MANBA: variants seen among roughly 807,000 people sequenced by gnomAD.
MANBA encodes the protein beta-mannosidase.
In MANBA, 83 loss-of-function variants were observed where a neutral mutation model predicts 111.1. That is an observed-to-expected ratio of 0.75 (90% CI 0.63 to 0.90). MANBA has a LOEUF of 0.90. Ranked by LOEUF, MANBA falls within the 40% of genes least tolerant of loss-of-function variation. The pLI is 0.00. For missense variants in MANBA, 1,036 were observed against 1,069.0 expected (o/e 0.97, Z 0.43); for synonymous variants, 370 against 378.7 (o/e 0.98, Z 0.27).
In MANBA at chr4:102,756,488, G is replaced by A. The variant is rs1724023037; in HGVS notation, c.177+4230C>T. On this transcript the variant is annotated intron_variant, in intron 1 of 16. Coordinates refer to ENST00000647097, the MANE Select transcript of MANBA (RefSeq NM_005908.4). The stretch of plus-strand genomic sequence containing the variant: ...GGACCTGTCATGAGGTTGGGGGCTG[G>A]GGGAGGGATAGCATTAGGAGATATA... Among the ~76,000 whole-genome samples the A allele has an allele frequency of 2.6e-5, 4 of 152,160 alleles. No homozygotes were observed. The South Asian group carries it at 8.3e-4, about 32-fold the overall frequency.
chr4:102,760,794 C>A lies in MANBA; in HGVS notation c.101G>T (p.Gly34Val). The A allele has an allele frequency of 6.4e-7, 1 of 1,556,798 alleles. No individual in the cohort carries two copies. The highest frequency in any genetic ancestry group is 8.7e-7 in the Non-Finnish European group (1 of 1,150,188). ...CCCGGGCAGCTCCAGCGAGCCGTTCCCATTGCAGATGCTCCAGTTGCCACG... is the reference window on the plus strand; with the variant it reads ...CCCGGGCAGCTCCAGCGAGCCGTTCACATTGCAGATGCTCCAGTTGCCACG... ...SLRGNWSICN[G>V]NGSLELPGAV... The change falls in exon 1 of 17, where the codon GGG (glycine) becomes GTG (valine). Residue 34 changes from glycine (G) to valine (V), a missense_variant. By Grantham distance (109) the Gly-to-Val change is moderately radical. Transcript: ENST00000647097.
intron 1 of MANBA, among the ~76,000 whole-genome samples, chr4:102,747,095 AG>A (rs1450731930): frequency 5.3e-5 from 8 of 152,014 alleles, no homozygotes; most frequent in Non-Finnish European, 1.2e-4. Context: ...CTGTTCCTCT[AG>A]AACCACTTCT....
intron 5 of MANBA, among the ~76,000 whole-genome samples, chr4:102,713,012 C>T (rs1054683311): frequency 1.3e-5 from 2 of 152,206 alleles, no homozygotes; most frequent in African/African-American, 4.8e-5. Context: ...GCCACATTTA[C>T]ATGTGCAATT....
chr4:102,659,755 A>C (rs1730841376), intron 11 of MANBA, among the ~76,000 whole-genome samples: 1 of 152,264 alleles, frequency 6.6e-6, no homozygotes, highest in South Asian at 2.1e-4. Context: ...TAAATAAAGC[A>C]GTTCTTTCTG....
chr4:102,720,278 T>C (rs1245538867), intron 4 of MANBA, among the ~76,000 whole-genome samples: 1 of 151,954 alleles, frequency 6.6e-6, no homozygotes, highest in Non-Finnish European at 1.5e-5. Flanking sequence ...CTACTAAAAC[T>C]ACAAAAATTA....
At chr4:102,701,456 C>G (rs949754165) in intron 5 of MANBA, among the ~76,000 whole-genome samples, 20 of 151,560 alleles carry the variant, frequency 1.3e-4, no homozygotes, top group African/African-American at 3.9e-4. Context: ...TCCTAGTCTC[C>G]ATGGTCTTTA....
At chr4:102,683,152 AAAG>A (rs1732059167) in intron 7 of MANBA, among the ~76,000 whole-genome samples, 1 of 152,000 alleles carries the variant, frequency 6.6e-6, no homozygotes, top group South Asian at 2.1e-4. Context: ...TTTAAGAAAC[AAAG>A]AACAAAGTGA....
intron 7 of MANBA, among the ~76,000 whole-genome samples, chr4:102,675,244 C>T (rs1278472398): frequency 1.3e-5 from 2 of 152,176 alleles, no homozygotes; most frequent in Admixed American, 1.3e-4. Flanking sequence ...TAGAGTAAAA[C>T]TAAAACATTA....
Position 102,657,700 on chromosome 4 carries a change from G to A in MANBA, c.1686C>T (p.Ser562=), listed in dbSNP as rs1383172798. The part of the protein sequence containing the change: ...ASEYGYQSWP[S]FSTLEKVSST... Reference sequence around the variant, plus strand: ...GACTTACCTTTTCTAATGTACTGAAGGACGGCCAGGACTGATATCCATATT... The same window carrying A: ...GACTTACCTTTTCTAATGTACTGAAAGACGGCCAGGACTGATATCCATATT... The change falls in exon 12 of 17, where the codon TCC becomes TCT. Residue 562 remains serine (S), a synonymous_variant. Transcript: ENST00000647097. 1.9e-6 allele frequency: 3 copies of A among 1,611,326 alleles called. No homozygotes were observed. The highest frequency in any genetic ancestry group is 1.3e-5 in the African/African-American group (1 of 74,864).
intron 9 of MANBA, among the ~76,000 whole-genome samples, chr4:102,669,747 A>G (rs866286095): frequency 8.5e-5 from 13 of 152,156 alleles, no homozygotes; most frequent in Middle Eastern, 3.2e-3. Context: ...TTGGGAGGCC[A>G]AGGTGGGCAG....
At chr4:102,633,108 A>G (rs1729462344) in intron 16 of MANBA, 1 of 396,274 alleles carries the variant, frequency 2.5e-6, no homozygotes, top group Admixed American at 4.4e-5. Context: ...TTTGTGTAAT[A>G]TGTTATCATT....
chr4:102,705,937 G>A lies in MANBA; in HGVS notation c.673+8501C>T, dbSNP rs528073551. ...ACATCTGCCTGCATGTGCCACCTAC[G>A]GGCCTGGGGACTAGTGTGCCCAGCC... On this transcript the variant is annotated intron_variant, in intron 5 of 16. Coordinates refer to ENST00000647097, the MANE Select transcript of MANBA (RefSeq NM_005908.4). 1.9e-4 allele frequency among the ~76,000 whole-genome samples: 29 copies of A among 152,288 alleles called. No individual in the cohort carries two copies. In the East Asian group the frequency reaches 4.6e-3, roughly 24 times the overall value.
chr4:102,698,783 G>A (rs913695412), intron 5 of MANBA, among the ~76,000 whole-genome samples: 296 of 151,196 alleles, frequency 2.0e-3, no homozygotes, highest in African/African-American at 6.9e-3. Context: ...TTTGAAGTCA[G>A]GTAGTGTGAT....
chr4:102,677,183 T>C (rs1731765820), intron 7 of MANBA, among the ~76,000 whole-genome samples: 1 of 152,182 alleles, frequency 6.6e-6, no homozygotes. Flanking sequence ...ACGATGGTTA[T>C]TCAGACTTGG....
chr4:102,636,046 A>G (rs1729618263), intron 14 of MANBA, 39 bp from the exon 15 acceptor site: 1 of 1,592,000 alleles, frequency 6.3e-7, no homozygotes, highest in Non-Finnish European at 8.6e-7. Flanking sequence ...GGCAAGGTCA[A>G]GTAGTCAGAG....
intron 2 of MANBA, among the ~76,000 whole-genome samples, chr4:102,724,190 TA>T (rs1333657644): frequency 6.6e-6 from 1 of 152,210 alleles, no homozygotes; most frequent in Non-Finnish European, 1.5e-5. Context: ...TAAATCACCA[TA>T]AAACCAAGAG....
intron 1 of MANBA, chr4:102,727,356 T>C: frequency 1.4e-6 from 1 of 736,548 alleles, no homozygotes; most frequent in Non-Finnish European, 2.4e-6. Flanking sequence ...TGTATCCCAT[T>C]CTGCCTTGGA....
intron 5 of MANBA, among the ~76,000 whole-genome samples, chr4:102,699,196 T>C (rs1485130460): frequency 2.0e-5 from 3 of 152,116 alleles, no homozygotes; most frequent in South Asian, 2.1e-4. Flanking sequence ...GTGATTTATA[T>C]ACATTGATTT....
At chr4:102,671,419 A>T in intron 8 of MANBA, 21 bp from the exon 9 acceptor site, 3 of 1,418,984 alleles carry the variant, frequency 2.1e-6, no homozygotes, top group Non-Finnish European at 3.0e-6. Flanking sequence ...CATTTTAGAA[A>T]CAAATCATAA....
Sources: allele counts gnomAD v4.1 joint callset (sites outside exome capture counted in the v4.1 genomes callset), GRCh38; gene constraint gnomAD v4.1.1; transcripts MANE v1.5; gene names NCBI Gene and HGNC (gene_info 2026-07-23, HGNC 2026-07-21).